Variants in LAMA2 observed in about 807,000 individuals in gnomAD.
The protein encoded by LAMA2 is laminin subunit alpha 2, also known as laminin subunit alpha-2.
LAMA2 carries 269 observed loss-of-function variants against 364.8 expected under a neutral mutation model. The ratio of observed to expected loss-of-function variants is 0.74; its 90% CI spans 0.67 to 0.82. The LOEUF (loss-of-function observed/expected upper bound fraction) is 0.82, where lower values mean the gene tolerates loss of function less well. Ranked by LOEUF, LAMA2 falls within the 40% of genes least tolerant of loss-of-function variation. The probability of loss-of-function intolerance (pLI) is 0.00; values close to 1 mark genes in which losing one functional copy is unlikely to be tolerated. For missense variants in LAMA2, 3,807 were observed against 3,873.2 expected (o/e 0.98, Z 0.45); for synonymous variants, 1,379 against 1,370.6 (o/e 1.01, Z -0.14).
Position 128,996,826 on chromosome 6 carries a change from C to T in LAMA2, c.113-53092C>T, listed in dbSNP as rs1200233763. On this transcript the variant is annotated intron_variant, in intron 1 of 64. Coordinates refer to ENST00000421865, the MANE Select transcript of LAMA2 (RefSeq NM_000426.4). ...ATTCTACTATAAAGACACATGCACA[C>T]GTATGTTTACTGCAGCACTATTCAC... 5.3e-5 allele frequency among the ~76,000 whole-genome samples: 8 copies of T among 152,276 alleles called. No homozygotes were observed. The South Asian group carries it at 1.0e-3, about 20-fold the overall frequency.
chr6:129,421,166 AAC>A (rs1239901013), intron 40 of LAMA2, among the ~76,000 whole-genome samples: 3 of 152,096 alleles, frequency 2.0e-5, no homozygotes, highest in Admixed American at 6.6e-5. Context: ...GTTGAATCCT[AAC>A]AGACTTTATA....
chr6:129,088,675 G>A (rs553774706), intron 3 of LAMA2, among the ~76,000 whole-genome samples: 1 of 151,586 alleles, frequency 6.6e-6, no homozygotes, highest in Admixed American at 6.6e-5. Context: ...TTCTCAGACG[G>A]GGCGGCTGCC....
chr6:129,432,972 G>C (rs7756981), intron 41 of LAMA2, among the ~76,000 whole-genome samples: 75,501 of 152,026 alleles, frequency 0.5, 19,641 homozygotes, highest in African/African-American at 0.66. Flanking sequence ...CTTACTTTCA[G>C]ATCAGAAGAG....
chr6:129,246,070 A>G (rs1158242050), intron 12 of LAMA2, among the ~76,000 whole-genome samples: 5 of 151,894 alleles, frequency 3.3e-5, no homozygotes, highest in Non-Finnish European at 5.9e-5. Flanking sequence ...CAATTGTTTA[A>G]AAAGAAAATG....
chr6:129,075,278 A>G (rs1010809698), intron 3 of LAMA2, among the ~76,000 whole-genome samples: 5 of 152,154 alleles, frequency 3.3e-5, no homozygotes, highest in African/African-American at 7.2e-5. Flanking sequence ...AAGAAGGCCA[A>G]TGTGGCTGGA....
chr6:129,215,664 C>A (rs78901481), intron 12 of LAMA2, among the ~76,000 whole-genome samples: 8,976 of 152,100 alleles, frequency 0.059, 446 homozygotes, highest in African/African-American at 0.13. Flanking sequence ...GCTGTGAGAT[C>A]TTACAGAGAT....
At chr6:129,402,985 G>A (rs1412079399) in intron 39 of LAMA2, among the ~76,000 whole-genome samples, 2 of 152,090 alleles carry the variant, frequency 1.3e-5, no homozygotes, top group African/African-American at 2.4e-5. Flanking sequence ...CTGTAAAATA[G>A]CAGCTTATTC....
chr6:128,928,597 G>A (rs1779244861), intron 1 of LAMA2, among the ~76,000 whole-genome samples: 1 of 152,204 alleles, frequency 6.6e-6, no homozygotes, highest in South Asian at 2.1e-4. Flanking sequence ...TCTTACGATA[G>A]AATTCCTATT....
chr6:129,486,665 A>G, intron 56 of LAMA2, 43 bp downstream of exon 56: 1 of 1,576,504 alleles, frequency 6.3e-7, no homozygotes, highest in East Asian at 2.2e-5. Flanking sequence ...ACTCAGGTGA[A>G]CTTCCTTTGC....
Position 129,224,672 on chromosome 6 carries a change from C to T in LAMA2, c.1783-25440C>T, listed in dbSNP as rs531522661. On this transcript the variant is annotated intron_variant, in intron 12 of 64. Coordinates refer to ENST00000421865, the MANE Select transcript of LAMA2 (RefSeq NM_000426.4). ...TGTATGTTGAACCAGCCTTGCATCCCGTGGATGAAGCCCACTTGATCGTGG... is the reference window on the plus strand; with the variant it reads ...TGTATGTTGAACCAGCCTTGCATCCTGTGGATGAAGCCCACTTGATCGTGG... Among the ~76,000 whole-genome samples, 39 of 152,264 alleles carry T rather than the reference C, an allele frequency of 2.6e-4. No individual in the cohort carries two copies. The South Asian group carries it at 6.0e-3, about 23-fold the overall frequency.
rs188582830 is a variant in LAMA2 at position 129,264,308 on chromosome 6, G to A, written c.2209-2798G>A. 3.0e-3 allele frequency among the ~76,000 whole-genome samples: 455 copies of A among 152,110 alleles called. 1 individual carries two copies. The highest frequency in any genetic ancestry group is 0.011 in the African/African-American group (443 of 41,508). On this transcript the variant is annotated intron_variant, in intron 15 of 64. Transcript: ENST00000421865. ...AAAGAAATAAAGAGTTTAAGAATGA[G>A]TCATAGATGACCAGTTTGAATGATT...
At chr6:129,177,112 T>C (rs1045593851) in intron 9 of LAMA2, among the ~76,000 whole-genome samples, 1 of 152,222 alleles carries the variant, frequency 6.6e-6, no homozygotes, top group Non-Finnish European at 1.5e-5. Flanking sequence ...TTGTGTTTTG[T>C]ATTTCTGTAT....
intron 55 of LAMA2, among the ~76,000 whole-genome samples, chr6:129,485,755 T>C (rs1252699517): frequency 6.6e-6 from 1 of 152,192 alleles, no homozygotes; most frequent in African/African-American, 2.4e-5. Flanking sequence ...TGATGATGTT[T>C]GATGGAATCT....
intron 12 of LAMA2, among the ~76,000 whole-genome samples, chr6:129,222,385 C>T (rs1185882256): frequency 1.3e-5 from 2 of 151,532 alleles, no homozygotes; most frequent in African/African-American, 2.4e-5. Context: ...GGTACATGTG[C>T]ACAATGTGCA....
chr6:129,159,119 A>G (rs1764055689), intron 8 of LAMA2: 2 of 1,569,890 alleles, frequency 1.3e-6, no homozygotes, highest in South Asian at 1.1e-5. Flanking sequence ...TAGCTGAGTC[A>G]TTGTTCAATT....
At chr6:129,360,032 G>A (rs546949445) in intron 32 of LAMA2, among the ~76,000 whole-genome samples, 51 of 152,138 alleles carry the variant, frequency 3.4e-4, no homozygotes, top group Middle Eastern at 3.4e-3. Flanking sequence ...GCAAAGCCTC[G>A]GAAACATTTA....
chr6:129,123,129 C>T (rs558827249), intron 4 of LAMA2, among the ~76,000 whole-genome samples: 48 of 151,556 alleles, frequency 3.2e-4, no homozygotes, highest in Non-Finnish European at 5.7e-4. Context: ...ATGGTGAAAC[C>T]CTGTCTCTAC....
rs558646131 is a variant in LAMA2, at chr6:128,889,040, T to C, written c.112+5683T>C. On this transcript the variant is annotated intron_variant, in intron 1 of 64. Coordinates refer to ENST00000421865, the MANE Select transcript of LAMA2 (RefSeq NM_000426.4). ...CTTTGTAACACTCTTTTCTTCCCTT[T>C]GGCAACTCAGTGCTATTCCATTATT... Among the ~76,000 whole-genome samples the C allele has an allele frequency of 6.6e-5, 10 of 152,360 alleles. No homozygotes were observed. In the East Asian group the frequency reaches 1.9e-3, roughly 29 times the overall value.
rs112590452 is a variant in LAMA2 at position 129,503,913 on chromosome 6, A to G, written c.8547+633A>G. On this transcript the variant is annotated intron_variant, in intron 60 of 64. Transcript: ENST00000421865. The stretch of plus-strand genomic sequence containing the variant: ...CCCAGAAACTGGTACTATTATGGGC[A>G]CAGAAGGCTCATTTGCCAGCTTACT... Among the ~76,000 whole-genome samples, 1,263 of 152,342 alleles carry G rather than the reference A, an allele frequency of 8.3e-3. 11 individuals carry two copies. Among genetic ancestry groups the G allele is most frequent in the Non-Finnish European group, 0.014 (943 of 68,022 alleles).
Sources: allele counts gnomAD v4.1 joint callset (sites outside exome capture counted in the v4.1 genomes callset), GRCh38; gene constraint gnomAD v4.1.1; transcripts MANE v1.5; gene names NCBI Gene and HGNC (gene_info 2026-07-23, HGNC 2026-07-21).